FSTL5: variants seen among roughly 807,000 people sequenced by gnomAD.
The protein encoded by FSTL5 is follistatin-related protein 5.
FSTL5 carries 62 observed loss-of-function variants against 89.1 expected under a neutral mutation model. The ratio of observed to expected loss-of-function variants is 0.70; its 90% CI spans 0.57 to 0.86. The LOEUF is 0.86. FSTL5 is among the 40% of genes least tolerant of loss of function. The probability of loss-of-function intolerance (pLI) is 0.00; values close to 1 mark genes in which losing one functional copy is unlikely to be tolerated. For missense variants in FSTL5, 1,057 were observed against 1,001.6 expected (o/e 1.06, Z -0.75); for synonymous variants, 383 against 346.2 (o/e 1.11, Z -1.18).
chr4:162,150,734 A>G (rs1278949163), intron 1 of FSTL5, among the ~76,000 whole-genome samples: 3 of 152,178 alleles, frequency 2.0e-5, no homozygotes, highest in Non-Finnish European at 2.9e-5. Flanking sequence ...TCATCATGGA[A>G]AATAATATGA....
chr4:161,409,880 A>G (rs1320701999), intron 15 of FSTL5, among the ~76,000 whole-genome samples: 1 of 152,202 alleles, frequency 6.6e-6, no homozygotes, highest in Non-Finnish European at 1.5e-5. Context: ...TCACATATCA[A>G]TACTAACCTT....
chr4:161,657,485 G>C (rs550942531), intron 6 of FSTL5, among the ~76,000 whole-genome samples: 21 of 152,160 alleles, frequency 1.4e-4, no homozygotes, highest in Non-Finnish European at 2.5e-4. Flanking sequence ...CTGTCCCCTT[G>C]TTAAGGTTGT....
intron 6 of FSTL5, among the ~76,000 whole-genome samples, chr4:161,679,494 C>A (rs1737442522): frequency 6.6e-6 from 1 of 151,788 alleles, no homozygotes; most frequent in Admixed American, 6.6e-5. Flanking sequence ...TCCACACTTG[C>A]CACTCCAGCC....
chr4:161,611,231 CATATATATATATATATAT>C (rs70937667), intron 7 of FSTL5, among the ~76,000 whole-genome samples: 8 of 128,482 alleles, frequency 6.2e-5, no homozygotes, highest in South Asian at 2.5e-4. Context: ...TATGTGTATA[CATATATATATATATATAT>C]ATATATATAT....
At chr4:161,603,861 T>A (rs1734341346) in intron 7 of FSTL5, among the ~76,000 whole-genome samples, 1 of 152,076 alleles carries the variant, frequency 6.6e-6, no homozygotes, top group Non-Finnish European at 1.5e-5. Flanking sequence ...AAAATCAGGA[T>A]GTGGGGCAAC....
At position 161,670,042 on chromosome 4, in the gene FSTL5, G is replaced by GA. The variant is rs201372420; in HGVS notation, c.728-13549dup. On this transcript the variant is annotated intron_variant, in intron 6 of 15. Transcript: ENST00000306100. Reference sequence around the variant, plus strand: ...TTGGTGTAAATACTATGTTTGATTTGAAAAAAAAGACATTATATTCTAAAT... The same window carrying GA: ...TTGGTGTAAATACTATGTTTGATTTGAAAAAAAAAGACATTATATTCTAAAT... Among the ~76,000 whole-genome samples, 935 of 151,600 alleles carry GA rather than the reference G, an allele frequency of 6.2e-3. 9 individuals are homozygous for GA. Among genetic ancestry groups the GA allele is most frequent in the South Asian group, 0.046 (221 of 4,796 alleles).
At chr4:161,950,814 G>T (rs117562976) in intron 3 of FSTL5, among the ~76,000 whole-genome samples, 1 of 152,162 alleles carries the variant, frequency 6.6e-6, no homozygotes, top group African/African-American at 2.4e-5. Context: ...TTTGGAAAGA[G>T]TTGTCAGGTA....
At chr4:161,461,334 C>A (rs1733572237) in intron 13 of FSTL5, among the ~76,000 whole-genome samples, 1 of 147,072 alleles carries the variant, frequency 6.8e-6, no homozygotes, top group African/African-American at 2.5e-5. Context: ...CTGTGGCGGG[C>A]GCCTGTAGTC....
At chr4:161,552,003 A>G (rs1732234207) in intron 8 of FSTL5, among the ~76,000 whole-genome samples, 1 of 152,012 alleles carries the variant, frequency 6.6e-6, no homozygotes, top group Non-Finnish European at 1.5e-5. Context: ...AATTAAACTA[A>G]AGAGCTTCTG....
intron 6 of FSTL5, among the ~76,000 whole-genome samples, chr4:161,754,761 T>A (rs1740515706): frequency 6.6e-6 from 1 of 152,168 alleles, no homozygotes; most frequent in Admixed American, 6.5e-5. Context: ...ACTTCTGAAG[T>A]TAAATGCCTC....
intron 3 of FSTL5, among the ~76,000 whole-genome samples, chr4:161,936,271 C>T (rs1486595991): frequency 6.6e-6 from 1 of 152,148 alleles, no homozygotes; most frequent in East Asian, 1.9e-4. Flanking sequence ...ACATAATTTA[C>T]ATAATCTAAG....
Position 162,018,635 on chromosome 4 carries a change from G to A in FSTL5, c.160+14990C>T, listed in dbSNP as rs184627764. ...TAATATTTGTGTTTTGTGTCCGATAGCTTTACATTTCTTTAATTAAAAAAA... is the reference window on the plus strand; with the variant it reads ...TAATATTTGTGTTTTGTGTCCGATAACTTTACATTTCTTTAATTAAAAAAA... On this transcript the variant is annotated intron_variant, in intron 3 of 15. Coordinates refer to ENST00000306100, the MANE Select transcript of FSTL5 (RefSeq NM_020116.5). Among the ~76,000 whole-genome samples, 120 of 92,598 alleles carry A rather than the reference G, an allele frequency of 1.3e-3. 1 individual carries two copies. The highest frequency in any genetic ancestry group is 5.0e-3 in the African/African-American group (116 of 23,400). The allele number at this position is 92,598 out of a possible 152,430, so 60.7% of individuals were successfully genotyped here.
chr4:161,537,870 A>AT (rs1387517583), intron 10 of FSTL5, among the ~76,000 whole-genome samples: 1 of 152,160 alleles, frequency 6.6e-6, no homozygotes, highest in Admixed American at 6.6e-5. Context: ...GAGGAGAGGG[A>AT]TTTTGCAAGA....
At chr4:161,485,477 TG>T (rs1388669227) in intron 12 of FSTL5, among the ~76,000 whole-genome samples, 2 of 152,188 alleles carry the variant, frequency 1.3e-5, no homozygotes, top group African/African-American at 4.8e-5. Flanking sequence ...CTAGGAAAAT[TG>T]TTGAACAGGC....
At chr4:161,943,476 T>C (rs988030168) in intron 3 of FSTL5, among the ~76,000 whole-genome samples, 1 of 145,202 alleles carries the variant, frequency 6.9e-6, no homozygotes, top group African/African-American at 2.5e-5. Flanking sequence ...GATAAATTAT[T>C]GACTCGTGTT....
intron 3 of FSTL5, among the ~76,000 whole-genome samples, chr4:161,939,931 T>C (rs1734532732): frequency 6.6e-6 from 1 of 151,744 alleles, no homozygotes; most frequent in Non-Finnish European, 1.5e-5. Context: ...AAGAGAATGC[T>C]AAGTCAAGAA....
At chr4:161,763,834 C>T (rs776126389) in intron 5 of FSTL5, among the ~76,000 whole-genome samples, 19 of 152,086 alleles carry the variant, frequency 1.2e-4, no homozygotes, top group Non-Finnish European at 2.6e-4. Context: ...AATAAGTATA[C>T]CCCTTCGGTG....
intron 11 of FSTL5, among the ~76,000 whole-genome samples, chr4:161,501,971 C>A (rs545002459): frequency 1.3e-5 from 2 of 151,838 alleles, no homozygotes; most frequent in Non-Finnish European, 2.9e-5. Context: ...CATAACAAAA[C>A]CATAATGTGG....
intron 7 of FSTL5, among the ~76,000 whole-genome samples, chr4:161,593,860 A>G (rs1448716589): frequency 1.3e-5 from 2 of 152,110 alleles, no homozygotes; most frequent in Non-Finnish European, 2.9e-5. Flanking sequence ...ACTCCATAAC[A>G]TAACTCCAGC....
Sources: gnomAD v4.1 joint callset for allele counts (sites outside exome capture counted in the v4.1 genomes callset) on GRCh38, gnomAD v4.1.1 for gene constraint, MANE v1.5 for transcripts, NCBI Gene and HGNC (gene_info 2026-07-23, HGNC 2026-07-21) for gene names.